ARHGAP31: variants seen among roughly 807,000 people sequenced by gnomAD.
The protein encoded by ARHGAP31 is rho GTPase-activating protein 31.
ARHGAP31 carries 34 observed loss-of-function variants against 113.9 expected under a neutral mutation model. The observed-to-expected ratio is 0.30, with a 90% CI of 0.23 to 0.40. The LOEUF (loss-of-function observed/expected upper bound fraction) is 0.40. ARHGAP31 is among the 10% of genes least tolerant of loss of function. The pLI is 1.00. For synonymous variants in ARHGAP31, 650 were observed against 684.8 expected, an observed-to-expected ratio of 0.95 and a Z score of 0.79; for missense variants, 1,548 against 1,767.1, an observed-to-expected ratio of 0.88 and a Z score of 2.22.
intron 1 of ARHGAP31, among the ~76,000 whole-genome samples, chr3:119,337,840 A>T (rs1318640896): frequency 6.6e-6 from 1 of 152,204 alleles, no homozygotes; most frequent in Non-Finnish European, 1.5e-5. Flanking sequence ...CAGAGTGCTG[A>T]TTGGTGCATT....
chr3:119,340,000 A>G (rs1259402190), intron 1 of ARHGAP31, among the ~76,000 whole-genome samples: 1 of 152,254 alleles, frequency 6.6e-6, no homozygotes, highest in Admixed American at 6.5e-5. Context: ...ATCGAGAGGA[A>G]GAAAATAGGT....
At chr3:119,380,819 T>C in intron 3 of ARHGAP31, 85 bp from the exon 4 acceptor site, 1 of 1,136,490 alleles carries the variant, frequency 8.8e-7, no homozygotes, top group Non-Finnish European at 1.3e-6. Context: ...GGCTGGAGTA[T>C]GAGGGCTTGA....
chr3:119,339,590 C>T (rs1290358139), intron 1 of ARHGAP31, among the ~76,000 whole-genome samples: 2 of 152,096 alleles, frequency 1.3e-5, no homozygotes, highest in Admixed American at 1.3e-4. Context: ...TCCATTAACT[C>T]CCTCCGACCC....
At chr3:119,362,477 T>C (rs2080216848) in intron 1 of ARHGAP31, among the ~76,000 whole-genome samples, 1 of 152,056 alleles carries the variant, frequency 6.6e-6, no homozygotes, top group Non-Finnish European at 1.5e-5. Context: ...TTCTAAGAAG[T>C]AGAGATGAGG....
intron 3 of ARHGAP31, among the ~76,000 whole-genome samples, chr3:119,378,282 A>G (rs559726177): frequency 2.3e-4 from 35 of 152,282 alleles, no homozygotes; most frequent in Admixed American, 2.2e-3. Flanking sequence ...GAAGCTCGAA[A>G]TAAGTTTGCA....
chr3:119,295,291 TG>T (rs1005655357), intron 1 of ARHGAP31, among the ~76,000 whole-genome samples: 1 of 151,492 alleles, frequency 6.6e-6, no homozygotes, highest in Non-Finnish European at 1.5e-5. Context: ...CCTCAGGGGA[TG>T]GGGGTGGAAG....
intron 1 of ARHGAP31, among the ~76,000 whole-genome samples, chr3:119,306,275 C>T (rs2079630050): frequency 6.6e-6 from 1 of 151,962 alleles, no homozygotes; most frequent in Non-Finnish European, 1.5e-5. Context: ...TCAAATGGGG[C>T]CGGGTGTGGT....
intron 1 of ARHGAP31, among the ~76,000 whole-genome samples, chr3:119,298,029 G>A (rs76721636): frequency 2.0e-5 from 3 of 152,040 alleles, no homozygotes; most frequent in African/African-American, 7.3e-5. Flanking sequence ...ACACAGGGGG[G>A]CCTGATATCC....
rs1261965931 is a variant in ARHGAP31, at chr3:119,415,856, G to A, written c.3927G>A (p.Lys1309=). ...AGGATGCAGTAGTGCAATGCAGAAA[G>A]CGCATGTCAGAGACAGAGCCATCTG... ...STQDAVVQCR[K]RMSETEPSGD... is the part of the protein sequence containing the mutation. Residue 1309 remains lysine (K), a synonymous_variant, in exon 12 of 12, where the codon AAG becomes AAA. Transcript: ENST00000264245. The A allele has an allele frequency of 3.1e-6, 5 of 1,614,098 alleles. No homozygotes were observed. The African/African-American group carries it at 6.7e-5, about 22-fold the overall frequency.
chr3:119,317,957 G>A (rs1301770018), intron 1 of ARHGAP31, among the ~76,000 whole-genome samples: 1 of 152,160 alleles, frequency 6.6e-6, no homozygotes, highest in Non-Finnish European at 1.5e-5. Context: ...AGTTAAAAAG[G>A]GAATTGCTGT....
chr3:119,330,755 A>C (rs959681012), intron 1 of ARHGAP31, among the ~76,000 whole-genome samples: 27 of 152,158 alleles, frequency 1.8e-4, no homozygotes, highest in Admixed American at 5.9e-4. Context: ...TTATCTCTTT[A>C]TCATTTACCC....
intron 1 of ARHGAP31, among the ~76,000 whole-genome samples, chr3:119,329,316 C>T (rs1205074810): frequency 6.6e-6 from 1 of 152,124 alleles, no homozygotes; most frequent in Non-Finnish European, 1.5e-5. Flanking sequence ...CCTAGAATTG[C>T]CCAACATGCC....
chr3:119,361,619 T>G (rs1171546941), intron 1 of ARHGAP31, among the ~76,000 whole-genome samples: 2 of 152,178 alleles, frequency 1.3e-5, no homozygotes, highest in East Asian at 3.8e-4. Flanking sequence ...TGACCTCAAG[T>G]GATCCACCCA....
intron 1 of ARHGAP31, among the ~76,000 whole-genome samples, chr3:119,353,901 G>A (rs1452358529): frequency 6.6e-6 from 1 of 150,938 alleles, no homozygotes; most frequent in Non-Finnish European, 1.5e-5. Context: ...ATTACCTTTT[G>A]TTCCTCTAGA....
At position 119,402,224 on chromosome 3, in the gene ARHGAP31, C is replaced by A; in HGVS notation, c.1472C>A (p.Ala491Glu). Residue 491 changes from alanine to glutamate, a missense_variant, in exon 10 of 12, where the codon GCG becomes GAG. Coordinates refer to ENST00000264245, the MANE Select transcript of ARHGAP31 (RefSeq NM_020754.4). ...RKALNISEPF[A>E]VSVPLRVSAV... ...GCGCTGAACATCTCCGAGCCCTTTG[C>A]GGTATCTGTGCCGCTCCGCGTGTCC... is the stretch of plus-strand genomic sequence containing the variant. 1 of 1,614,274 alleles carries A rather than the reference C, an allele frequency of 6.2e-7. No individual in the cohort carries two copies. The highest frequency in any genetic ancestry group is 8.5e-7 in the Non-Finnish European group (1 of 1,180,050).
At position 119,381,456 on chromosome 3, in the gene ARHGAP31, T is replaced by A. The variant is rs73857020; in HGVS notation, c.431+470T>A. 6.6e-3 allele frequency among the ~76,000 whole-genome samples: 1,004 copies of A among 152,286 alleles called. 7 individuals carry two copies. The highest frequency in any genetic ancestry group is 0.022 in the African/African-American group (928 of 41,564). On this transcript the variant is annotated intron_variant, in intron 4 of 11. Coordinates refer to ENST00000264245, the MANE Select transcript of ARHGAP31 (RefSeq NM_020754.4). The stretch of plus-strand genomic sequence containing the variant: ...CAGTTTAGCCCCTAATGTTGCCACC[T>A]TTCCCAGTGTTCCCTATGCCTGCCC...
At chr3:119,384,928 CTTTTTTT>C (rs113212997) in intron 6 of ARHGAP31, among the ~76,000 whole-genome samples, 1 of 141,668 alleles carries the variant, frequency 7.1e-6, no homozygotes, top group Non-Finnish European at 1.5e-5. Flanking sequence ...TCTTTGGTGA[CTTTTTTT>C]TTTTTTTTGG....
chr3:119,401,323 G>A (rs2080604539), intron 9 of ARHGAP31, among the ~76,000 whole-genome samples: 1 of 152,156 alleles, frequency 6.6e-6, no homozygotes, highest in Non-Finnish European at 1.5e-5. Context: ...TCCTTGCTGG[G>A]AAATCAAACC....
rs955804448 is a variant in ARHGAP31, at chr3:119,294,449, C to T, written c.-456C>T. 3 of 405,676 alleles carry T rather than the reference C, an allele frequency of 7.4e-6. No homozygotes were observed. Among genetic ancestry groups the T allele is most frequent in the Non-Finnish European group, 1.3e-5 (3 of 231,632 alleles). 25.1% of individuals were successfully genotyped at this position (405,676 alleles called of 1,614,324 possible). A position where few individuals can be genotyped will look rare whatever the true frequency, so the allele number is the denominator to read the frequency against. On this transcript the variant is annotated 5_prime_UTR_variant, in exon 1 of 12. Transcript: ENST00000264245. ...TCGCTCTACCAAAGTCGTCTGAAGGCGAGACAGCGGGCCCAGGGCGCAGGA... is the reference window on the plus strand; with the variant it reads ...TCGCTCTACCAAAGTCGTCTGAAGGTGAGACAGCGGGCCCAGGGCGCAGGA...
Sources: allele counts gnomAD v4.1 joint callset (sites outside exome capture counted in the v4.1 genomes callset), GRCh38; gene constraint gnomAD v4.1.1; transcripts MANE v1.5; gene names NCBI Gene and HGNC (gene_info 2026-07-23, HGNC 2026-07-21).